Variants in ZFAND3 observed in about 807,000 individuals in gnomAD.
ZFAND3 encodes the protein AN1-type zinc finger protein 3.
A neutral mutation model predicts 29.6 loss-of-function variants in ZFAND3; 10 were observed. That is an observed-to-expected ratio of 0.34 (90% CI 0.21 to 0.57). The LOEUF is 0.57. ZFAND3 is among the 20% of genes least tolerant of loss of function. ZFAND3 has a pLI of 0.86. For missense variants in ZFAND3, 230 were observed against 304.5 expected, an observed-to-expected ratio of 0.76 and a Z score of 1.82; for synonymous variants, 128 against 112.6, an observed-to-expected ratio of 1.14 and a Z score of -0.87.
chr6:37,881,136 A>G (rs1243773595), intron 1 of ZFAND3, among the ~76,000 whole-genome samples: 1 of 151,920 alleles, frequency 6.6e-6, no homozygotes, highest in Admixed American at 6.6e-5. Flanking sequence ...CAGTGGTGCA[A>G]TCTATACTTA....
At chr6:38,042,713 C>CT (rs1341507101) in intron 2 of ZFAND3, among the ~76,000 whole-genome samples, 1 of 152,142 alleles carries the variant, frequency 6.6e-6, no homozygotes, top group Non-Finnish European at 1.5e-5. Context: ...ACAAGAGTAT[C>CT]TTTTCAGTGC....
intron 2 of ZFAND3, among the ~76,000 whole-genome samples, chr6:37,999,361 C>T (rs890201030): frequency 2.0e-5 from 3 of 152,176 alleles, no homozygotes; most frequent in Non-Finnish European, 4.4e-5. Context: ...TATGTAGCTA[C>T]TCTGCCATTA....
Position 38,144,235 on chromosome 6 carries a change from T to A in ZFAND3, c.530-8000T>A, listed in dbSNP as rs544520389. 4.9e-3 allele frequency among the ~76,000 whole-genome samples: 657 copies of A among 132,842 alleles called. 11 individuals are homozygous for A. The highest frequency in any genetic ancestry group is 7.0e-3 in the Admixed American group (92 of 13,174). The allele number at this position is 132,842 out of a possible 152,430, so 87.1% of individuals were successfully genotyped here. On this transcript the variant is annotated intron_variant, in intron 5 of 5. Transcript: ENST00000287218. ...TAATATATAATATATATATATATTT[T>A]TTTTTTAATAAGGTTGCTTGATCAT...
intron 5 of ZFAND3, among the ~76,000 whole-genome samples, chr6:38,117,976 G>A (rs555391331): frequency 2.4e-4 from 37 of 152,198 alleles, no homozygotes; most frequent in Non-Finnish European, 4.3e-4. Flanking sequence ...GGTACTCCAC[G>A]AGATTAGAAG....
Position 37,819,894 on chromosome 6 carries a change from G to T in ZFAND3, c.-52G>T. 8.7e-7 allele frequency: 1 copy of T among 1,147,014 alleles called. No individual in the cohort carries two copies. Among genetic ancestry groups the T allele is most frequent in the Non-Finnish European group, 1.1e-6 (1 of 927,154 alleles). 71.1% of individuals were successfully genotyped at this position (1,147,014 alleles called of 1,614,324 possible). A position where few individuals can be genotyped will look rare whatever the true frequency, so the allele number is the denominator to read the frequency against. On this transcript the variant is annotated 5_prime_UTR_variant, in exon 1 of 6. Transcript: ENST00000287218. ...ACCGCCTCCTCAGAGCGGGGCCCGG[G>T]CCCAGCCGCCGCCACCGCTGCCGCC... is the stretch of plus-strand genomic sequence containing the variant.
intron 1 of ZFAND3, among the ~76,000 whole-genome samples, chr6:37,894,384 T>TC (rs975341763): frequency 7.8e-6 from 1 of 127,666 alleles, no homozygotes; most frequent in African/African-American, 3.0e-5. Context: ...TCCTTTCCTT[T>TC]CCCTTTTTTT....
intron 1 of ZFAND3, among the ~76,000 whole-genome samples, chr6:37,922,436 T>G (rs1025089862): frequency 1.3e-5 from 2 of 152,196 alleles, no homozygotes; most frequent in Admixed American, 6.5e-5. Flanking sequence ...TAAATGTAAA[T>G]GTAAATTGAA....
At chr6:37,973,118 TG>T (rs1339514059) in intron 2 of ZFAND3, among the ~76,000 whole-genome samples, 48 of 152,292 alleles carry the variant, frequency 3.2e-4, no homozygotes, top group African/African-American at 1.1e-3. Context: ...GTTGCTGATT[TG>T]GTAAAACTGT....
chr6:38,048,828 C>CT (rs1342589446), intron 2 of ZFAND3, among the ~76,000 whole-genome samples: 1 of 151,998 alleles, frequency 6.6e-6, no homozygotes, highest in Non-Finnish European at 1.5e-5. Flanking sequence ...TACCTCTAAA[C>CT]TTTCCTGTTT....
chr6:37,878,019 A>G (rs528808133), intron 1 of ZFAND3, among the ~76,000 whole-genome samples: 1 of 152,302 alleles, frequency 6.6e-6, no homozygotes, highest in Admixed American at 6.5e-5. Context: ...GCAGGAGATG[A>G]TGGTGGCTAG....
intron 4 of ZFAND3, among the ~76,000 whole-genome samples, chr6:38,098,352 G>A (rs1005734297): frequency 6.6e-6 from 1 of 152,254 alleles, no homozygotes; most frequent in South Asian, 2.1e-4. Flanking sequence ...TTTTCACCAT[G>A]TTGGCCAGGC....
At chr6:38,087,812 T>C (rs751504168) in intron 4 of ZFAND3, among the ~76,000 whole-genome samples, 66 of 152,216 alleles carry the variant, frequency 4.3e-4, no homozygotes, top group Non-Finnish European at 6.0e-4. Context: ...TCCCATATGA[T>C]CCAGCCATTC....
chr6:37,936,793 A>G (rs982241050), intron 2 of ZFAND3, among the ~76,000 whole-genome samples: 3 of 152,246 alleles, frequency 2.0e-5, no homozygotes, highest in Non-Finnish European at 4.4e-5. Context: ...AATTTATACA[A>G]TCTAGAAGTG....
chr6:38,078,007 A>G (rs982409912), intron 3 of ZFAND3, among the ~76,000 whole-genome samples: 2 of 152,210 alleles, frequency 1.3e-5, no homozygotes, highest in African/African-American at 2.4e-5. Context: ...TTGATAGTTA[A>G]TGGGGTATCT....
intron 2 of ZFAND3, among the ~76,000 whole-genome samples, chr6:38,011,807 A>G (rs1243860890): frequency 6.6e-6 from 1 of 152,200 alleles, no homozygotes; most frequent in Non-Finnish European, 1.5e-5. Context: ...TATATCATTT[A>G]TGATCACACC....
In ZFAND3 at chr6:38,126,497, T is replaced by C. The variant is rs138041218; in HGVS notation, c.529+9758T>C. On this transcript the variant is annotated intron_variant, in intron 5 of 5. Transcript: ENST00000287218. ...AAGATCTTTTCCAAGCTTATATCAT[T>C]TTATATTCCCATTAGCAATGCATTA... Among the ~76,000 whole-genome samples, 900 of 152,348 alleles carry C rather than the reference T, an allele frequency of 5.9e-3. 5 individuals are homozygous for C. The highest frequency in any genetic ancestry group is 9.9e-3 in the Non-Finnish European group (675 of 68,020).
Position 37,940,543 on chromosome 6 carries a change from A to AT in ZFAND3, c.112+10554dup, listed in dbSNP as rs559210898. Among the ~76,000 whole-genome samples, 33 of 150,152 alleles carry AT rather than the reference A, an allele frequency of 2.2e-4. 1 individual carries two copies. The South Asian group carries it at 3.8e-3, about 17-fold the overall frequency. ...TAACTGTATGTTAACAGTCTTAACTATTTTTTTTTTAATTTATAAAGAAAA... is the reference window on the plus strand; with the variant it reads ...TAACTGTATGTTAACAGTCTTAACTATTTTTTTTTTTAATTTATAAAGAAAA... On this transcript the variant is annotated intron_variant, in intron 2 of 5. Coordinates refer to ENST00000287218, the MANE Select transcript of ZFAND3 (RefSeq NM_021943.3).
chr6:38,038,941 T>C (rs1030394468), intron 2 of ZFAND3, among the ~76,000 whole-genome samples: 2 of 152,204 alleles, frequency 1.3e-5, no homozygotes, highest in African/African-American at 4.8e-5. Flanking sequence ...TCTGGCTGTT[T>C]TGCTTTTGAG....
intron 4 of ZFAND3, among the ~76,000 whole-genome samples, chr6:38,091,617 G>T (rs1207715851): frequency 1.3e-5 from 2 of 151,132 alleles, no homozygotes; most frequent in Non-Finnish European, 2.9e-5. Context: ...TTACCAGAAG[G>T]AGTGGGATAG....
Sources: allele counts gnomAD v4.1 joint callset (sites outside exome capture counted in the v4.1 genomes callset), GRCh38; gene constraint gnomAD v4.1.1; transcripts MANE v1.5; gene names NCBI Gene and HGNC (gene_info 2026-07-23, HGNC 2026-07-21).